The following CCT8L2 variants were observed in gnomAD, a reference collection of about 807,000 sequenced individuals.
CCT8L2 encodes the protein chaperonin containing TCP1 subunit 8 like 2.
In CCT8L2, 29 loss-of-function variants were observed where a neutral mutation model predicts 31.5. That is an observed-to-expected ratio of 0.92 (90% CI 0.68 to 1.25). CCT8L2 has a LOEUF of 1.25. Ranked by LOEUF, CCT8L2 falls within the 50% of genes most tolerant of loss-of-function variation. The pLI, the probability that CCT8L2 is intolerant of heterozygous loss-of-function variation, is 0.00. For missense variants in CCT8L2, 589 were observed against 695.7 expected (o/e 0.85, Z 1.73); for synonymous variants, 256 against 290.1 (o/e 0.88, Z 1.19).
rs764711867 is a variant in CCT8L2 at position 16,592,590 on chromosome 22, A to G, written c.-40T>C. The G allele has an allele frequency of 2.6e-6, 4 of 1,518,198 alleles. No homozygotes were observed. Among genetic ancestry groups the G allele is most frequent in the Non-Finnish European group, 3.5e-6 (4 of 1,128,308 alleles). The allele number at this position is 1,518,198 out of a possible 1,614,324, so 94.0% of individuals were successfully genotyped here. ...GGAGAGGCCACCGTGGGTTGCAGAG[A>G]TGCTCTAGAAACAGCAGCTGGGGCA... On this transcript the variant is annotated 5_prime_UTR_variant, in exon 1 of 1. Coordinates refer to ENST00000359963, the MANE Select transcript of CCT8L2 (RefSeq NM_014406.5).
chr22:16,592,039 G>T lies in CCT8L2; in HGVS notation c.512C>A (p.Thr171Asn). 6.2e-7 allele frequency: 1 copy of T among 1,614,232 alleles called. No individual in the cohort carries two copies. The highest frequency in any genetic ancestry group is 8.5e-7 in the Non-Finnish European group (1 of 1,180,040). Reference sequence around the variant, plus strand: ...GTGGTCCATGGGGGACAGGGTGTGGGTATTCATCACAGAATGGAGGGCCCA... The same window carrying T: ...GTGGTCCATGGGGGACAGGGTGTGGTTATTCATCACAGAATGGAGGGCCCA... ...PSWALHSVMN[T>N]HTLSPMDHLT... Residue 171 changes from threonine (T) to asparagine (N), a missense_variant, in exon 1 of 1, where the codon ACC (threonine) becomes AAC (asparagine). Transcript: ENST00000359963.
In CCT8L2 at chr22:16,591,889, C is replaced by A. The variant is rs2059591778; in HGVS notation, c.662G>T (p.Gly221Val). 1 of 1,614,032 alleles carries A rather than the reference C, an allele frequency of 6.2e-7. No homozygotes were observed. The highest frequency in any genetic ancestry group is 1.3e-5 in the African/African-American group (1 of 74,916). The change falls in exon 1 of 1, where the codon GGG becomes GTG. Residue 221 changes from glycine (G) to valine (V), a missense_variant. Coordinates refer to ENST00000359963, the MANE Select transcript of CCT8L2 (RefSeq NM_014406.5). ...GTLEDSCLLP[G>V]LAISGKLCGQ... The stretch of plus-strand genomic sequence containing the variant: ...ACAGAGCTTCCCAGATATTGCTAAC[C>A]CCGGGAGGAGGCAGGAATCCTCCAG...
Position 16,591,266 on chromosome 22 carries a change from T to C in CCT8L2, c.1285A>G (p.Arg429Gly). The change falls in exon 1 of 1, where the codon AGA becomes GGA. Residue 429 changes from arginine (R) to glycine (G), a missense_variant. Physicochemically the swap from Arg to Gly is moderately radical, Grantham distance 125 (BLOSUM62 -2). Coordinates refer to ENST00000359963, the MANE Select transcript of CCT8L2 (RefSeq NM_014406.5). ...GCAGGCCCACTGGGCCCTTCCAATC[T>C]GCTTCCTTTATCAGAAAGCATTTTT... ...LAKMLSDKGS[R>G]LEGPSGPAFL... is the part of the protein sequence containing the mutation. 6.2e-7 allele frequency: 1 copy of C among 1,614,064 alleles called. No individual in the cohort carries two copies. Among genetic ancestry groups the C allele is most frequent in the Non-Finnish European group, 8.5e-7 (1 of 1,179,886 alleles).
Position 16,590,919 on chromosome 22 carries a change from T to G in CCT8L2, c.1632A>C (p.Pro544=). The G allele has an allele frequency of 6.2e-7, 1 of 1,613,164 alleles. No homozygotes were observed. Among genetic ancestry groups the G allele is most frequent in the Non-Finnish European group, 8.5e-7 (1 of 1,179,650 alleles). ...NPDSKKTKKH[P]PPVETKKILG... The stretch of plus-strand genomic sequence containing the variant: ...GGATTTTTTTTGTTTCCACAGGAGG[T>G]GGGTGTTTCTTTGTCTTCTTAGAGT... The change falls in exon 1 of 1, where the codon CCA becomes CCC. Residue 544 remains proline, a synonymous_variant. Coordinates refer to ENST00000359963, the MANE Select transcript of CCT8L2 (RefSeq NM_014406.5).
rs1451804520 is a variant in CCT8L2 at position 16,592,055 on chromosome 22, G to T, written c.496C>A (p.His166Asn). 1.2e-6 allele frequency: 2 copies of T among 1,614,124 alleles called. No individual in the cohort carries two copies. Among genetic ancestry groups the T allele is most frequent in the African/African-American group, 2.7e-5 (2 of 74,934 alleles). Residue 166 changes from histidine (H) to asparagine (N), a missense_variant, in exon 1 of 1, where the codon CAT (histidine) becomes AAT (asparagine). Transcript: ENST00000359963. ...GPLEDPSWAL[H>N]SVMNTHTLSP... ...AGGGTGTGGGTATTCATCACAGAAT[G>T]GAGGGCCCAGGATGGATCTTCCAAA...
Position 16,592,446 on chromosome 22 carries a change from G to A in CCT8L2, c.105C>T (p.Ser35=). Residue 35 remains serine (S), a synonymous_variant, in exon 1 of 1, where the codon AGC becomes AGT. Transcript: ENST00000359963. ...CCAGGGTCTGGACTGCAGCCAAGCT[G>A]CTCAGCAGGTGGGGCTCCTCCTCTT... is the stretch of plus-strand genomic sequence containing the variant. ...SPEEEEPHLL[S]SLAAVQTLAS... The A allele has an allele frequency of 6.2e-7, 1 of 1,614,174 alleles. No homozygotes were observed. Among genetic ancestry groups the A allele is most frequent in the Non-Finnish European group, 8.5e-7 (1 of 1,180,050 alleles).
chr22:16,592,483 G>A lies in CCT8L2; in HGVS notation c.68C>T (p.Pro23Leu), dbSNP rs199971835. 118 of 1,613,992 alleles carry A rather than the reference G, an allele frequency of 7.3e-5. No homozygotes were observed. The highest frequency in any genetic ancestry group is 1.5e-4 in the South Asian group (14 of 91,084). ...GGGCTCCTCCTCTTCTGGACTCCTC[G>A]GGCTCTCCCTTGGGTTCAGTGCCAG... Reference protein sequence around the residue: ...QRLALNPRESPRSPEEEEPHL... With the variant: ...QRLALNPRESLRSPEEEEPHL... Residue 23 changes from proline to leucine, a missense_variant, in exon 1 of 1, where the codon CCG becomes CTG. Pro to Leu is a moderately conservative substitution (Grantham distance 98). Transcript: ENST00000359963.
In CCT8L2 at chr22:16,591,631, G is replaced by A. The variant is rs368696107; in HGVS notation, c.920C>T (p.Ala307Val). The A allele has an allele frequency of 2.7e-5, 43 of 1,614,012 alleles. No individual in the cohort carries two copies. Among genetic ancestry groups the A allele is most frequent in the East Asian group, 4.5e-5 (2 of 44,878 alleles). ...AATCACCACGATGCCATACTTGTCC[G>A]CCAGTGTGAGGGTCTCCTCGTCGAC... ...GEVDEETLTL[A>V]DKYGIVVIQA... Residue 307 changes from alanine (A) to valine (V), a missense_variant, in exon 1 of 1, where the codon GCG becomes GTG. Ala to Val is a moderately conservative substitution (Grantham distance 64, BLOSUM62 0). Coordinates refer to ENST00000359963, the MANE Select transcript of CCT8L2 (RefSeq NM_014406.5).
In CCT8L2 at chr22:16,591,906, A is replaced by C. The variant is rs1365943244; in HGVS notation, c.645T>G (p.Asp215Glu). The change falls in exon 1 of 1, where the codon GAT becomes GAG. Residue 215 changes from aspartate (D) to glutamate (E), a missense_variant. Physicochemically the swap from Asp to Glu is conservative, Grantham distance 45. Transcript: ENST00000359963. Reference sequence around the variant, plus strand: ...TTGCTAACCCCGGGAGGAGGCAGGAATCCTCCAGTGTCCCCCCGGGCAGCG... The same window carrying C: ...TTGCTAACCCCGGGAGGAGGCAGGACTCCTCCAGTGTCCCCCCGGGCAGCG... The part of the protein sequence containing the change: ...VCALPGGTLE[D>E]SCLLPGLAIS... The C allele has an allele frequency of 1.9e-6, 3 of 1,613,962 alleles. No homozygotes were observed. Among genetic ancestry groups the C allele is most frequent in the South Asian group, 2.2e-5 (2 of 91,076 alleles).
rs185070849 is a variant in CCT8L2, at chr22:16,590,866, T to C, written c.*11A>G. The C allele has an allele frequency of 6.8e-5, 107 of 1,562,846 alleles. No individual in the cohort carries two copies. The African/African-American group carries it at 1.2e-3, about 17-fold the overall frequency. On this transcript the variant is annotated 3_prime_UTR_variant, in exon 1 of 1. Coordinates refer to ENST00000359963, the MANE Select transcript of CCT8L2 (RefSeq NM_014406.5). ...CCCTTCTTGGCAATCCCTGTTTTAT[T>C]GAGGGTATCACTAGTTATTCAATCC...
chr22:16,592,277 C>T lies in CCT8L2; in HGVS notation c.274G>A (p.Glu92Lys). 1 of 1,614,254 alleles carries T rather than the reference C, an allele frequency of 6.2e-7. No homozygotes were observed. The highest frequency in any genetic ancestry group is 8.5e-7 in the Non-Finnish European group (1 of 1,180,050). The change falls in exon 1 of 1, where the codon GAA (glutamate) becomes AAA (lysine). Residue 92 changes from glutamate (E) to lysine (K), a missense_variant. By Grantham distance (56) the Glu-to-Lys change is moderately conservative. Transcript: ENST00000359963. ...LEHPAAWLLREAGQTQAENSG... is the reference protein window; with the variant it reads ...LEHPAAWLLRKAGQTQAENSG... Reference sequence around the variant, plus strand: ...TTCTCTGCCTGGGTTTGTCCTGCTTCCCGGAGGAGCCATGCTGCTGGGTGC... The same window carrying T: ...TTCTCTGCCTGGGTTTGTCCTGCTTTCCGGAGGAGCCATGCTGCTGGGTGC...
chr22:16,591,028 G>A lies in CCT8L2; in HGVS notation c.1523C>T (p.Ala508Val), dbSNP rs750163910. 6.2e-7 allele frequency: 1 copy of A among 1,613,960 alleles called. No individual in the cohort carries two copies. Among genetic ancestry groups the A allele is most frequent in the Admixed American group, 1.7e-5 (1 of 60,020 alleles). ...IVKAQGFRAVAEVVLQLVTVD... is the reference protein window; with the variant it reads ...IVKAQGFRAVVEVVLQLVTVD... The stretch of plus-strand genomic sequence containing the variant: ...AGTCACGAGCTGTAGCACCACCTCA[G>A]CCACTGCTCGAAATCCTTGGGCTTT... Residue 508 changes from alanine (A) to valine (V), a missense_variant, in exon 1 of 1, where the codon GCT becomes GTT. By Grantham distance (64) the Ala-to-Val change is moderately conservative. Transcript: ENST00000359963.
rs774705418 is a variant in CCT8L2 at position 16,591,930 on chromosome 22, C to A, written c.621G>T (p.Ala207=). 6.2e-7 allele frequency: 1 copy of A among 1,614,086 alleles called. No homozygotes were observed. The highest frequency in any genetic ancestry group is 8.5e-7 in the Non-Finnish European group (1 of 1,179,996). Residue 207 remains alanine, a synonymous_variant, in exon 1 of 1, where the codon GCG becomes GCT. Coordinates refer to ENST00000359963, the MANE Select transcript of CCT8L2 (RefSeq NM_014406.5). ...AATCCTCCAGTGTCCCCCCGGGCAG[C>A]GCGCACACCCCAACACGCTCAGGCT... ...SFKPERVGVC[A]LPGGTLEDSC...
chr22:16,591,165 G>C lies in CCT8L2; in HGVS notation c.1386C>G (p.Asp462Glu). The change falls in exon 1 of 1, where the codon GAC (aspartate) becomes GAG (glutamate). Residue 462 changes from aspartate to glutamate, a missense_variant. By Grantham distance (45) the Asp-to-Glu change is conservative (BLOSUM62 2). Transcript: ENST00000359963. ...LAENAGLAVS[D>E]VMAEMSGVHQ... ...GCACTCCACTCATTTCTGCCATCAC[G>C]TCTGAGACAGCTAAGCCTGCATTCT... 3 of 1,614,006 alleles carry C rather than the reference G, an allele frequency of 1.9e-6. No individual in the cohort carries two copies. The Admixed American group carries it at 5.0e-5, about 27-fold the overall frequency.
At position 16,591,643 on chromosome 22, in the gene CCT8L2, G is replaced by T. The variant is rs767562761; in HGVS notation, c.908C>A (p.Thr303Asn). The T allele has an allele frequency of 6.2e-7, 1 of 1,614,036 alleles. No homozygotes were observed. The highest frequency in any genetic ancestry group is 1.3e-5 in the African/African-American group (1 of 74,898). The change falls in exon 1 of 1, where the codon ACC becomes AAC. Residue 303 changes from threonine (T) to asparagine (N), a missense_variant. Physicochemically the swap from Thr to Asn is moderately conservative, Grantham distance 65. Coordinates refer to ENST00000359963, the MANE Select transcript of CCT8L2 (RefSeq NM_014406.5). The stretch of plus-strand genomic sequence containing the variant: ...GCCATACTTGTCCGCCAGTGTGAGG[G>T]TCTCCTCGTCGACCTCCCCCAACAC... ...AVVLGEVDEE[T>N]LTLADKYGIV...
rs146407682 is a variant in CCT8L2, at chr22:16,592,138, G to C, written c.413C>G (p.Thr138Arg). Residue 138 changes from threonine (T) to arginine (R), a missense_variant, in exon 1 of 1, where the codon ACG becomes AGG. Transcript: ENST00000359963. Reference sequence around the variant, plus strand: ...TGTGGCCAGGACCTCTGCAGTGGCCGTGGCGTAGGCCTCCCGGAGCTGCGG... The same window carrying C: ...TGTGGCCAGGACCTCTGCAGTGGCCCTGGCGTAGGCCTCCCGGAGCTGCGG... Reference protein sequence around the residue: ...PRPQLREAYATATAEVLATLP... With the variant: ...PRPQLREAYARATAEVLATLP... 1.2e-6 allele frequency: 2 copies of C among 1,614,078 alleles called. No individual in the cohort carries two copies. The highest frequency in any genetic ancestry group is 8.5e-7 in the Non-Finnish European group (1 of 1,180,048).
Position 16,590,832 on chromosome 22 carries a change from G to T in CCT8L2, c.*45C>A, listed in dbSNP as rs746723637. The stretch of plus-strand genomic sequence containing the variant: ...ATAAAGGCAAACATTCATTTTTGGG[G>T]TGATTGTTCCCTTCTTGGCAATCCC... On this transcript the variant is annotated 3_prime_UTR_variant, in exon 1 of 1. Transcript: ENST00000359963. 15 of 1,300,656 alleles carry T rather than the reference G, an allele frequency of 1.2e-5. 2 individuals are homozygous for T. The Middle Eastern group carries it at 1.3e-3, about 116-fold the overall frequency. 80.6% of individuals were successfully genotyped at this position (1,300,656 alleles called of 1,614,324 possible).
In CCT8L2 at chr22:16,591,764, T is replaced by G. The variant is rs776168750; in HGVS notation, c.787A>C (p.Ser263Arg). Residue 263 changes from serine (S) to arginine (R), a missense_variant, in exon 1 of 1, where the codon AGT (serine) becomes CGT (arginine). Transcript: ENST00000359963. ...CTAAATTGAGCTAGATCAGCAGGAC[T>G]AGAAAGACGGGCCGTTGCTGGTGCA... Reference protein sequence around the residue: ...PNAPATARLSSPADLAQFSKG... With the variant: ...PNAPATARLSRPADLAQFSKG... 14 of 1,614,132 alleles carry G rather than the reference T, an allele frequency of 8.7e-6. No homozygotes were observed. In the South Asian group the frequency reaches 1.4e-4, roughly 16 times the overall value.
In CCT8L2 at chr22:16,592,578, T is replaced by A. The variant is rs575583033; in HGVS notation, c.-28A>T. 25 of 1,547,020 alleles carry A rather than the reference T, an allele frequency of 1.6e-5. No homozygotes were observed. In the South Asian group the frequency reaches 2.2e-4, roughly 14 times the overall value. On this transcript the variant is annotated 5_prime_UTR_variant, in exon 1 of 1. Coordinates refer to ENST00000359963, the MANE Select transcript of CCT8L2 (RefSeq NM_014406.5). ...CCCGCAGAGAGAGGAGAGGCCACCG[T>A]GGGTTGCAGAGATGCTCTAGAAACA...
Sources: allele counts gnomAD v4.1 joint callset, GRCh38; gene constraint gnomAD v4.1.1; transcripts MANE v1.5; gene names NCBI Gene and HGNC (gene_info 2026-07-23, HGNC 2026-07-21).